LRRC43: variants seen among roughly 807,000 people sequenced by gnomAD.
LRRC43 encodes the protein leucine rich repeat containing 43.
In LRRC43, 62 loss-of-function variants were observed where a neutral mutation model predicts 64.3. The ratio of observed to expected loss-of-function variants is 0.96; its 90% CI spans 0.79 to 1.19. The LOEUF (loss-of-function observed/expected upper bound fraction) is 1.19. Ranked by LOEUF, LRRC43 falls within the 50% of genes most tolerant of loss-of-function variation. The pLI, the probability that LRRC43 is intolerant of heterozygous loss-of-function variation, is 0.00. For missense variants in LRRC43, 868 were observed against 845.0 expected (o/e 1.03, Z -0.34); for synonymous variants, 422 against 382.3 (o/e 1.10, Z -1.21).
chr12:122,199,322 A>G (rs1398928937), intron 7 of LRRC43, among the ~76,000 whole-genome samples: 2 of 107,978 alleles, frequency 1.9e-5, no homozygotes, highest in African/African-American at 7.7e-5. Flanking sequence ...TTGCTCTGTC[A>G]CCCAGGCTGG....
chr12:122,189,932 G>A lies in LRRC43; in HGVS notation c.663-198G>A, dbSNP rs1953694741. The A allele has an allele frequency of 1.2e-5, 8 of 642,698 alleles. No individual in the cohort carries two copies. In the East Asian group the frequency reaches 1.8e-4, roughly 15 times the overall value. The allele number at this position is 642,698 out of a possible 1,614,324, so 39.8% of individuals were successfully genotyped here. ...TGTGACTCCAACTGTGAGGGTGGCA[G>A]TGCTACGGAGAGTGGAGATGAAGAG... On this transcript the variant is annotated intron_variant, in intron 4 of 11. Coordinates refer to ENST00000339777, the MANE Select transcript of LRRC43 (RefSeq NM_001098519.2).
At chr12:122,177,832 A>G (rs189794563) in intron 1 of LRRC43, among the ~76,000 whole-genome samples, 6 of 148,822 alleles carry the variant, frequency 4.0e-5, no homozygotes. Context: ...TTATTTATTT[A>G]TTTATTTATT....
At chr12:122,173,098 T>C (rs1953503759) in intron 1 of LRRC43, among the ~76,000 whole-genome samples, 1 of 152,030 alleles carries the variant, frequency 6.6e-6, no homozygotes, top group Admixed American at 6.6e-5. Context: ...GCTCCACTTA[T>C]AAAGGAGAGT....
At chr12:122,178,930 G>C (rs1269104216), upstream of LRRC43, among the ~76,000 whole-genome samples, 1 of 151,950 alleles carries the variant, frequency 6.6e-6, no homozygotes. Flanking sequence ...ATTGGATATG[G>C]GGATGGTGGA....
chr12:122,187,162 C>T (rs1566008013), intron 3 of LRRC43, among the ~76,000 whole-genome samples: 4 of 151,810 alleles, frequency 2.6e-5, no homozygotes, highest in South Asian at 2.1e-4. Flanking sequence ...ACCCAGGAGG[C>T]GGAGGTTGCA....
chr12:122,175,960 C>T (rs1953534004), intron 1 of LRRC43, among the ~76,000 whole-genome samples: 1 of 152,208 alleles, frequency 6.6e-6, no homozygotes, highest in African/African-American at 2.4e-5. Flanking sequence ...AGCGACTGCA[C>T]CCGGCCTCCT....
rs553363881 is a variant in LRRC43, at chr12:122,192,755, C to A, written c.1100C>A (p.Pro367His). 2.7e-5 allele frequency: 44 copies of A among 1,613,484 alleles called. No individual in the cohort carries two copies. In the East Asian group the frequency reaches 7.6e-4, roughly 28 times the overall value. The part of the protein sequence containing the change: ...SAGVLAEIVK[P>H]SPSLELLVEE... ...TGTCTCTTCCTGCAGATCGTCAAGC[C>A]CTCTCCCAGCTTAGAATTATTAGTT... The change falls in exon 7 of 12, where the codon CCC becomes CAC. Residue 367 changes from proline to histidine, a missense_variant. Physicochemically the swap from Pro to His is moderately conservative, Grantham distance 77. Coordinates refer to ENST00000339777, the MANE Select transcript of LRRC43 (RefSeq NM_001098519.2).
intron 1 of LRRC43, chr12:122,172,751 G>T: frequency 6.3e-7 from 1 of 1,591,118 alleles, no homozygotes; most frequent in East Asian, 2.3e-5. Context: ...CCTGTGGAAT[G>T]AGGAGAAATG....
At chr12:122,174,205 G>C in intron 1 of LRRC43, 1 of 1,613,876 alleles carries the variant, frequency 6.2e-7, no homozygotes, top group Non-Finnish European at 8.5e-7. Flanking sequence ...TTCAGTGGGG[G>C]CTTCTGGAGC....
chr12:122,184,794 C>A lies in LRRC43; in HGVS notation c.411+15C>A. The A allele has an allele frequency of 5.7e-6, 9 of 1,584,288 alleles. No homozygotes were observed. The highest frequency in any genetic ancestry group is 7.7e-6 in the Non-Finnish European group (9 of 1,165,144). Reference sequence around the variant, plus strand: ...TAGACAAGAAGGTCAGTGCTGGGCACGTGGTAGGTGATGTTAGGGTGGCCG... The same window carrying A: ...TAGACAAGAAGGTCAGTGCTGGGCAAGTGGTAGGTGATGTTAGGGTGGCCG... On this transcript the variant is annotated intron_variant, in intron 2 of 11. Transcript: ENST00000339777. This position sits in a 1 kb window ranked among gnomAD's most constrained non-coding sequence, Gnocchi z 4.0.
At chr12:122,179,962 T>G (rs1235626501), upstream of LRRC43, among the ~76,000 whole-genome samples, 1 of 121,500 alleles carries the variant, frequency 8.2e-6, no homozygotes, top group Non-Finnish European at 1.6e-5. Flanking sequence ...AGAGTGAGAC[T>G]CCGTCTCAAA....
intron 1 of LRRC43, among the ~76,000 whole-genome samples, chr12:122,176,390 C>T (rs1459060436): frequency 4.6e-5 from 7 of 152,146 alleles, no homozygotes; most frequent in Admixed American, 4.6e-4. Context: ...GGCAGCGGCT[C>T]CATCACAGAG....
chr12:122,203,347 G>A lies in LRRC43; in HGVS notation c.1876G>A (p.Gly626Ser), dbSNP rs779713112. Residue 626 changes from glycine (G) to serine (S), a missense_variant, in exon 12 of 12, where the codon GGC (glycine) becomes AGC (serine). Physicochemically the swap from Gly to Ser is moderately conservative, Grantham distance 56 (BLOSUM62 0). Coordinates refer to ENST00000339777, the MANE Select transcript of LRRC43 (RefSeq NM_001098519.2). ...KPKAVIPIYE[G>S]DYHPEPLTVE... The stretch of plus-strand genomic sequence containing the variant: ...GAAAGCCGTGATTCCGATCTACGAA[G>A]GCGATTACCACCCTGAGCCCCTGAC... The A allele has an allele frequency of 1.5e-5, 25 of 1,613,340 alleles. No homozygotes were observed. In the East Asian group the frequency reaches 4.9e-4, roughly 32 times the overall value.
At chr12:122,196,020 A>G (rs1953769958) in intron 7 of LRRC43, among the ~76,000 whole-genome samples, 3 of 152,096 alleles carry the variant, frequency 2.0e-5, no homozygotes, top group Non-Finnish European at 4.4e-5. Flanking sequence ...CTCAGCCACC[A>G]CTTTTGGATT....
rs1440336231 is a variant in LRRC43 at position 122,200,409 on chromosome 12, C to T, written c.1491+79C>T. On this transcript the variant is annotated intron_variant, in intron 8 of 11. Coordinates refer to ENST00000339777, the MANE Select transcript of LRRC43 (RefSeq NM_001098519.2). The surrounding 1 kb of genome is among the most constrained non-coding windows in gnomAD (Gnocchi z 4.6). ...TTCCTGTTCCCATCGGGCTGTCCCC[C>T]ATGGGAGCCGCACTCCCTGGTTAGA... 1.2e-6 allele frequency: 2 copies of T among 1,604,794 alleles called. No homozygotes were observed. The highest frequency in any genetic ancestry group is 2.2e-5 in the South Asian group (2 of 90,600).
intron 2 of LRRC43, among the ~76,000 whole-genome samples, chr12:122,185,719 G>C (rs1375121349): frequency 6.6e-6 from 1 of 152,236 alleles, no homozygotes; most frequent in Non-Finnish European, 1.5e-5. Context: ...GACTGGCACA[G>C]TTGGTGGCCC....
Position 122,184,625 on chromosome 12 carries a change from G to T in LRRC43, c.257G>T (p.Gly86Val). ...PGEETVEALL[G>V]LVRSRHSPWA... ...GAGGAGACGGTGGAGGCCCTGCTGG[G>T]CCTGGTCCGCAGCCGCCACTCCCCC... Residue 86 changes from glycine (G) to valine (V), a missense_variant, in exon 2 of 12, where the codon GGC (glycine) becomes GTC (valine). Physicochemically the swap from Gly to Val is moderately radical, Grantham distance 109 (BLOSUM62 -3). Transcript: ENST00000339777. This position sits in a 1 kb window ranked among gnomAD's most constrained non-coding sequence, Gnocchi z 4.0. 1 of 1,613,872 alleles carries T rather than the reference G, an allele frequency of 6.2e-7. No homozygotes were observed. The highest frequency in any genetic ancestry group is 8.5e-7 in the Non-Finnish European group (1 of 1,179,858).
Position 122,184,818 on chromosome 12 carries a change from C to T in LRRC43, c.411+39C>T, listed in dbSNP as rs368439340. The stretch of plus-strand genomic sequence containing the variant: ...ACGTGGTAGGTGATGTTAGGGTGGC[C>T]GCTCCCCTAAGGGAGGTTGTGGGGA... On this transcript the variant is annotated intron_variant, in intron 2 of 11. Coordinates refer to ENST00000339777, the MANE Select transcript of LRRC43 (RefSeq NM_001098519.2). This position sits in a 1 kb window ranked among gnomAD's most constrained non-coding sequence, Gnocchi z 4.0. 4.9e-5 allele frequency: 76 copies of T among 1,564,230 alleles called. No homozygotes were observed. The highest frequency in any genetic ancestry group is 9.6e-5 in the Admixed American group (5 of 51,992).
intron 11 of LRRC43, chr12:122,202,460 T>G (rs11060802): frequency 0.34 from 51,833 of 152,090 alleles, 9,319 homozygotes; most frequent in East Asian, 0.71. Context: ...CAATCTATAT[T>G]GAATTTTTCA....
Sources: allele counts gnomAD v4.1 joint callset (sites outside exome capture counted in the v4.1 genomes callset), GRCh38; gene constraint gnomAD v4.1.1; non-coding constraint Gnocchi (gnomAD v3.1); transcripts MANE v1.5; gene names NCBI Gene and HGNC (gene_info 2026-07-23, HGNC 2026-07-21).